MLLT1: variants seen among roughly 807,000 people sequenced by gnomAD.
MLLT1 encodes the protein MLLT1 super elongation complex subunit, also known as protein ENL.
In MLLT1, 11 loss-of-function variants were observed where a neutral mutation model predicts 55.1. The ratio of observed to expected loss-of-function variants is 0.20; its 90% CI spans 0.13 to 0.33. The LOEUF is 0.33. Among genes scored for constraint, MLLT1 ranks in the 10% least tolerant of loss-of-function variants. The pLI is 1.00. For synonymous variants in MLLT1, 323 were observed against 320.1 expected (o/e 1.01, Z -0.10); for missense variants, 536 against 760.6 (o/e 0.70, Z 3.47).
intron 8 of MLLT1, among the ~76,000 whole-genome samples, chr19:6,216,006 C>G (rs1294791807): frequency 6.6e-6 from 1 of 152,162 alleles, no homozygotes; most frequent in Non-Finnish European, 1.5e-5. Context: ...ATCCTCGCCC[C>G]ATGTAAGGCA....
At chr19:6,216,338 A>T in intron 8 of MLLT1, 67 bp downstream of exon 8, 2 of 1,156,678 alleles carry the variant, frequency 1.7e-6, no homozygotes, top group Non-Finnish European at 2.5e-6. Flanking sequence ...CCCCACAATC[A>T]CTGCAGACCC....
chr19:6,212,268 CG>C lies in MLLT1; in HGVS notation c.*773del, dbSNP rs372031473. On this transcript the variant is annotated 3_prime_UTR_variant, in exon 12 of 12. Transcript: ENST00000252674. ...TGTTGGCTGACCCCCCCGGGAGCCC[CG>C]GTAGGAGGCGGCGGCATCCTTGGAA... The C allele has an allele frequency of 5.9e-3, 6,325 of 1,065,504 alleles. 296 individuals are homozygous for C. The African/African-American group carries it at 0.095, about 16-fold the overall frequency. 66.0% of individuals were successfully genotyped at this position (1,065,504 alleles called of 1,614,324 possible).
At chr19:6,274,291 G>A (rs562081647) in intron 1 of MLLT1, among the ~76,000 whole-genome samples, 1 of 152,384 alleles carries the variant, frequency 6.6e-6, no homozygotes, top group East Asian at 1.9e-4. Context: ...GAGGCAAGAA[G>A]TGGAGCCCCG....
chr19:6,213,385 C>T lies in MLLT1; in HGVS notation c.1503G>A (p.Glu501=), dbSNP rs1367216950. The change falls in exon 11 of 12, where the codon GAG becomes GAA. Residue 501 remains glutamate (E), a synonymous_variant. Coordinates refer to ENST00000252674, the MANE Select transcript of MLLT1 (RefSeq NM_005934.4). ...GCAGCGCCATCAGCCTCCGGTGTAG[C>T]TCCACCAGCTCATCCGTGTAGGCCT... ...YDKAYTDELV[E]LHRRLMALRE... 1 of 1,611,834 alleles carries T rather than the reference C, an allele frequency of 6.2e-7. No homozygotes were observed. The highest frequency in any genetic ancestry group is 8.5e-7 in the Non-Finnish European group (1 of 1,179,948).
rs574250416 is a variant in MLLT1 at position 6,217,140 on chromosome 19, G to A, written c.1199-627C>T. On this transcript the variant is annotated intron_variant, in intron 7 of 11. Coordinates refer to ENST00000252674, the MANE Select transcript of MLLT1 (RefSeq NM_005934.4). ...CTTCAGTAGGTCCCCCTCCCTTCCC[G>A]GCAGATAAGAACACTTGGAGCGAGT... Among the ~76,000 whole-genome samples the A allele has an allele frequency of 3.0e-3, 451 of 152,166 alleles. 2 individuals carry two copies. The highest frequency in any genetic ancestry group is 6.7e-3 in the Admixed American group (102 of 15,278).
chr19:6,224,249 C>T (rs1295070823), intron 5 of MLLT1, among the ~76,000 whole-genome samples: 1 of 152,280 alleles, frequency 6.6e-6, no homozygotes, highest in Non-Finnish European at 1.5e-5. Context: ...AGGCCTCTGC[C>T]ACCTCCTTGG....
chr19:6,224,711 C>A (rs1031832221), intron 5 of MLLT1, among the ~76,000 whole-genome samples: 1 of 152,146 alleles, frequency 6.6e-6, no homozygotes, highest in Non-Finnish European at 1.5e-5. Flanking sequence ...TTAGGCACTA[C>A]GATTTTTTTG....
chr19:6,277,352 A>G (rs939637209), intron 1 of MLLT1, among the ~76,000 whole-genome samples: 1 of 152,154 alleles, frequency 6.6e-6, no homozygotes, highest in Admixed American at 6.5e-5. Context: ...GACCATCACC[A>G]TCGACGGAAC....
At chr19:6,217,498 AGGGTGGCCT>A (rs1437414362) in intron 7 of MLLT1, among the ~76,000 whole-genome samples, 1 of 152,160 alleles carries the variant, frequency 6.6e-6, no homozygotes, top group Non-Finnish European at 1.5e-5. Flanking sequence ...GCCCCTACTC[AGGGTGGCCT>A]GCCTGGAGAG....
chr19:6,212,879 T>C lies in MLLT1; in HGVS notation c.*163A>G. 9.8e-7 allele frequency: 1 copy of C among 1,022,768 alleles called. No homozygotes were observed. Among genetic ancestry groups the C allele is most frequent in the Non-Finnish European group, 1.4e-6 (1 of 734,622 alleles). The allele number at this position is 1,022,768 out of a possible 1,614,324, so 63.4% of individuals were successfully genotyped here. On this transcript the variant is annotated 3_prime_UTR_variant, in exon 12 of 12. Coordinates refer to ENST00000252674, the MANE Select transcript of MLLT1 (RefSeq NM_005934.4). Reference sequence around the variant, plus strand: ...GCTCCTGGCGATGGAGCGGGGAGAGTGGGCAGGGAGCCGCCGAGGAAAGTG... The same window carrying C: ...GCTCCTGGCGATGGAGCGGGGAGAGCGGGCAGGGAGCCGCCGAGGAAAGTG...
Position 6,270,853 on chromosome 19 carries a change from C to G in MLLT1, c.13-94G>C. On this transcript the variant is annotated intron_variant, in intron 1 of 11. Coordinates refer to ENST00000252674, the MANE Select transcript of MLLT1 (RefSeq NM_005934.4). This position sits in a 1 kb window ranked among gnomAD's most constrained non-coding sequence, Gnocchi z 7.1. ...ACAGAGAACTTTCGATAAAGACCCC[C>G]AGCAGTGCAATACGCTCTCAACCCA... is the stretch of plus-strand genomic sequence containing the variant. The G allele has an allele frequency of 8.1e-7, 1 of 1,235,874 alleles. No homozygotes were observed. Among genetic ancestry groups the G allele is most frequent in the Non-Finnish European group, 1.1e-6 (1 of 894,762 alleles). The allele number at this position is 1,235,874 out of a possible 1,614,324, so 76.6% of individuals were successfully genotyped here. A position where few individuals can be genotyped will look rare whatever the true frequency, so the allele number is the denominator to read the frequency against.
At chr19:6,267,511 A>G (rs2091358455) in intron 2 of MLLT1, among the ~76,000 whole-genome samples, 1 of 152,216 alleles carries the variant, frequency 6.6e-6, no homozygotes, top group South Asian at 2.1e-4. Flanking sequence ...GGGGTATTCC[A>G]AAAGCCACAG....
chr19:6,247,896 GTTTGTTTT>G (rs1357653238), intron 3 of MLLT1, among the ~76,000 whole-genome samples: 3 of 151,812 alleles, frequency 2.0e-5, no homozygotes, highest in African/African-American at 7.2e-5. Flanking sequence ...TTGTTTGTTT[GTTTGTTTT>G]TTGTGAGACA....
rs1175377196 is a variant in MLLT1 at position 6,222,635 on chromosome 19, T to C, written c.596A>G (p.Lys199Arg). Reference protein sequence around the residue: ...SKTSKPHKVTKEHRERPRKDS... With the variant: ...SKTSKPHKVTREHRERPRKDS... ...TTTGCGGGGCCGCTCCCGGTGCTCCTTGGTCACCTTGTGTGGCTTGGAGGT... is the reference window on the plus strand; with the variant it reads ...TTTGCGGGGCCGCTCCCGGTGCTCCCTGGTCACCTTGTGTGGCTTGGAGGT... The change falls in exon 6 of 12, where the codon AAG becomes AGG. Residue 199 changes from lysine to arginine, a missense_variant. Coordinates refer to ENST00000252674, the MANE Select transcript of MLLT1 (RefSeq NM_005934.4). This position sits in a 1 kb window ranked among gnomAD's most constrained non-coding sequence, Gnocchi z 4.1. 2 of 1,583,730 alleles carry C rather than the reference T, an allele frequency of 1.3e-6. No individual in the cohort carries two copies. The highest frequency in any genetic ancestry group is 1.1e-5 in the South Asian group (1 of 89,336).
intron 5 of MLLT1, among the ~76,000 whole-genome samples, chr19:6,225,766 C>T (rs771538186): frequency 5.9e-5 from 9 of 152,218 alleles, no homozygotes; most frequent in Non-Finnish European, 1.3e-4. Context: ...GACGCAGCCC[C>T]GCCAGCCCCA....
intron 3 of MLLT1, among the ~76,000 whole-genome samples, chr19:6,245,425 T>C (rs991112125): frequency 6.6e-6 from 1 of 150,616 alleles, no homozygotes; most frequent in East Asian, 2.1e-4. Flanking sequence ...TCACCGGATG[T>C]GAGGGCCGGG....
chr19:6,216,610 A>G, intron 7 of MLLT1, 97 bp from the exon 8 acceptor site: 1 of 825,772 alleles, frequency 1.2e-6, no homozygotes, highest in South Asian at 1.7e-5. Context: ...GCTTCTTGAC[A>G]CTGGTGACCC....
intron 3 of MLLT1, among the ~76,000 whole-genome samples, chr19:6,246,278 C>T (rs1037314444): frequency 3.3e-5 from 5 of 152,168 alleles, no homozygotes; most frequent in Non-Finnish European, 4.4e-5. Flanking sequence ...ACCTAGCAAT[C>T]TCCACTCATT....
rs2091389228 is a variant in MLLT1, at chr19:6,270,791, A to G, written c.13-32T>C. On this transcript the variant is annotated intron_variant, in intron 1 of 11. Coordinates refer to ENST00000252674, the MANE Select transcript of MLLT1 (RefSeq NM_005934.4). The surrounding 1 kb of genome is among the most constrained non-coding windows in gnomAD (Gnocchi z 7.1). Reference sequence around the variant, plus strand: ...GAGAGAGAGGTGGGGAGATGAAGTCAGCACACGCCTCCAAGCAGGGGACTG... The same window carrying G: ...GAGAGAGAGGTGGGGAGATGAAGTCGGCACACGCCTCCAAGCAGGGGACTG... 1 of 1,571,516 alleles carries G rather than the reference A, an allele frequency of 6.4e-7. No individual in the cohort carries two copies. The highest frequency in any genetic ancestry group is 8.7e-7 in the Non-Finnish European group (1 of 1,154,796).
Sources: gnomAD v4.1 joint callset for allele counts (sites outside exome capture counted in the v4.1 genomes callset) on GRCh38, gnomAD v4.1.1 for gene constraint, Gnocchi (gnomAD v3.1) non-coding constraint, MANE v1.5 for transcripts, NCBI Gene and HGNC (gene_info 2026-07-23, HGNC 2026-07-21) for gene names.